C13orf46: variants seen among roughly 807,000 people sequenced by gnomAD.
C13orf46 encodes the protein uncharacterized protein C13orf46.
chr13:113,958,500 C>T (rs947699278), intron 6 of C13orf46, among the ~76,000 whole-genome samples: 6 of 152,178 alleles, frequency 3.9e-5, no homozygotes, highest in Non-Finnish European at 1.5e-5. Flanking sequence ...CTGCACACGA[C>T]GTCTGCCGCG....
the C13orf46 span, among the ~76,000 whole-genome samples, chr13:113,946,150 T>C: frequency 1.3e-5 from 2 of 152,210 alleles, no homozygotes; most frequent in South Asian, 2.1e-4. Context: ...CGGGTTTGGA[T>C]TGGTGACGGC....
intron 6 of C13orf46, among the ~76,000 whole-genome samples, chr13:113,959,925 G>A (rs896346743): frequency 2.6e-5 from 4 of 152,206 alleles, no homozygotes; most frequent in Non-Finnish European, 5.9e-5. Context: ...AGTTGGCTGT[G>A]ATTAAAAGGG....
At chr13:113,972,358 A>T (rs1286252378) in intron 1 of C13orf46, among the ~76,000 whole-genome samples, 3 of 152,208 alleles carry the variant, frequency 2.0e-5, no homozygotes, top group Non-Finnish European at 4.4e-5. Flanking sequence ...CTCAGAGAAG[A>T]ACACATATTT....
chr13:113,958,861 TCTCTCCTGGGGTCTCTCTGGGTC>T (rs2052564386), intron 6 of C13orf46, among the ~76,000 whole-genome samples: 2 of 151,476 alleles, frequency 1.3e-5, no homozygotes, highest in East Asian at 1.9e-4. Context: ...CGTGGTGGGG[TCTCTCCTGGGGTCTCTCTGGGTC>T]CTCTCCTGGG....
chr13:113,936,486 G>A, the C13orf46 span, among the ~76,000 whole-genome samples: 2 of 152,188 alleles, frequency 1.3e-5, no homozygotes, highest in African/African-American at 4.8e-5. Flanking sequence ...GACATTACAA[G>A]CCACTTCAGA....
the C13orf46 span, among the ~76,000 whole-genome samples, chr13:113,948,376 T>C: frequency 1.3e-5 from 2 of 152,250 alleles, no homozygotes; most frequent in Non-Finnish European, 2.9e-5. Context: ...TGAGTGGCTT[T>C]GACCAAAACA....
chr13:113,938,447 C>T, the C13orf46 span, among the ~76,000 whole-genome samples: 3 of 152,218 alleles, frequency 2.0e-5, no homozygotes, highest in Non-Finnish European at 4.4e-5. Context: ...GCCCACGGCC[C>T]ATCTTCAAAC....
At chr13:113,958,480 G>A (rs1214758882) in intron 6 of C13orf46, among the ~76,000 whole-genome samples, 3 of 152,180 alleles carry the variant, frequency 2.0e-5, no homozygotes, top group African/African-American at 2.4e-5. Context: ...ACCTGGGTCC[G>A]TGCCTTTTCC....
chr13:113,936,736 G>A, the C13orf46 span, among the ~76,000 whole-genome samples: 2 of 151,382 alleles, frequency 1.3e-5, no homozygotes, highest in African/African-American at 2.5e-5. Context: ...GGGTGCAGTC[G>A]TCGGGGTGTG....
chr13:113,930,852 G>T, the C13orf46 span, among the ~76,000 whole-genome samples: 22 of 152,302 alleles, frequency 1.4e-4, no homozygotes, highest in African/African-American at 5.1e-4. Flanking sequence ...AGGCCCGGGT[G>T]GTCCTGGCGG....
chr13:113,944,477 G>A, the C13orf46 span, among the ~76,000 whole-genome samples: 22 of 152,366 alleles, frequency 1.4e-4, no homozygotes, highest in African/African-American at 4.8e-4. Context: ...CCTTGGAAAT[G>A]TTCCCCTTGC....
At chr13:113,962,045 T>C (rs1041757207) in intron 6 of C13orf46, among the ~76,000 whole-genome samples, 1 of 152,216 alleles carries the variant, frequency 6.6e-6, no homozygotes, top group Non-Finnish European at 1.5e-5. Flanking sequence ...TGGGGATGTA[T>C]TGTGTTGGGC....
At chr13:113,957,196 T>G (rs1427631819) in intron 6 of C13orf46, among the ~76,000 whole-genome samples, 4 of 132,352 alleles carry the variant, frequency 3.0e-5, no homozygotes, top group African/African-American at 6.0e-5. Context: ...CTGGGGGGTC[T>G]CCCCTGCACT....
chr13:113,962,656 C>T (rs1331833294), intron 6 of C13orf46, among the ~76,000 whole-genome samples: 1 of 152,096 alleles, frequency 6.6e-6, no homozygotes, highest in Admixed American at 6.5e-5. Context: ...GGCAGCTCTC[C>T]CCACTGCACG....
chr13:113,960,862 C>T (rs2052581177), intron 6 of C13orf46, among the ~76,000 whole-genome samples: 1 of 152,230 alleles, frequency 6.6e-6, no homozygotes, highest in African/African-American at 2.4e-5. Context: ...GGCAATCACA[C>T]TGCAGGTTTT....
the C13orf46 span, among the ~76,000 whole-genome samples, chr13:113,945,735 C>T: frequency 6.6e-6 from 1 of 152,164 alleles, no homozygotes; most frequent in Admixed American, 6.5e-5. Flanking sequence ...TAATACTGTG[C>T]TCTAGTAAAC....
At chr13:113,963,338 C>T (rs1387166686) in intron 6 of C13orf46, among the ~76,000 whole-genome samples, 2 of 92,682 alleles carry the variant, frequency 2.2e-5, no homozygotes, top group East Asian at 3.6e-4. Context: ...CCTCAGCCCT[C>T]GCCCCGTCCT....
chr13:113,938,483 T>C, the C13orf46 span, among the ~76,000 whole-genome samples: 1 of 152,142 alleles, frequency 6.6e-6, no homozygotes, highest in East Asian at 1.9e-4. Context: ...TGCTCTCTCT[T>C]TGACCCGCCC....
chr13:113,964,865 G>A (rs1188033978), intron 6 of C13orf46, 62 bp downstream of exon 6: 1 of 152,248 alleles, frequency 6.6e-6, no homozygotes, highest in Non-Finnish European at 1.5e-5. Flanking sequence ...GCACACCAGA[G>A]ACCGTGGTGG....
Sources: allele counts gnomAD v4.1 joint callset (sites outside exome capture counted in the v4.1 genomes callset), GRCh38; gene constraint gnomAD v4.1.1; transcripts MANE v1.5; gene names NCBI Gene and HGNC (gene_info 2026-07-23, HGNC 2026-07-21).